Variants in LARS2 observed in about 807,000 individuals in gnomAD.
LARS2 encodes leucine--tRNA ligase, mitochondrial.
In LARS2, 81 loss-of-function variants were observed where a neutral mutation model predicts 116.6. The ratio of observed to expected loss-of-function variants is 0.69; its 90% CI spans 0.58 to 0.84. The LOEUF (loss-of-function observed/expected upper bound fraction) is 0.84, where lower values mean the gene tolerates loss of function less well. Among genes scored for constraint, LARS2 ranks in the 40% least tolerant of loss-of-function variants. LARS2 has a pLI of 0.00. For missense variants in LARS2, 968 were observed against 1,114.5 expected (o/e 0.87, Z 1.87); for synonymous variants, 396 against 407.2 (o/e 0.97, Z 0.33).
chr3:45,503,123 T>G (rs1700147306), intron 15 of LARS2, among the ~76,000 whole-genome samples: 2 of 152,074 alleles, frequency 1.3e-5, no homozygotes, highest in South Asian at 4.1e-4. Flanking sequence ...TTCTCCCTGT[T>G]GCCTGGAGAT....
rs996335657 is a variant in LARS2, at chr3:45,533,219, C to T, written c.2405-8610C>T. ...AGGCTGGAGTGCAGTGGCGCGATCT[C>T]GGCTCACTGCAAGCTCCGCCTCCCG... On this transcript the variant is annotated intron_variant, in intron 20 of 21. Coordinates refer to ENST00000645846, the MANE Select transcript of LARS2 (RefSeq NM_015340.4). Among the ~76,000 whole-genome samples the T allele has an allele frequency of 4.0e-5, 5 of 125,818 alleles. No individual in the cohort carries two copies. In the East Asian group the frequency reaches 7.8e-4, roughly 20 times the overall value. 82.5% of individuals were successfully genotyped at this position (125,818 alleles called of 152,430 possible). A position where few individuals can be genotyped will look rare whatever the true frequency, so the allele number is the denominator to read the frequency against.
intron 20 of LARS2, among the ~76,000 whole-genome samples, chr3:45,532,090 T>C (rs1446734333): frequency 2.0e-5 from 3 of 152,368 alleles, no homozygotes; most frequent in African/African-American, 4.8e-5. Flanking sequence ...TGCCATGGTG[T>C]CTGATTATTT....
At chr3:45,410,133 A>T (rs973456204) in intron 4 of LARS2, among the ~76,000 whole-genome samples, 1 of 152,240 alleles carries the variant, frequency 6.6e-6, no homozygotes, top group Non-Finnish European at 1.5e-5. Flanking sequence ...CAAAGAAACC[A>T]AGTGGTAATT....
At chr3:45,517,235 A>G (rs764377679) in intron 17 of LARS2, among the ~76,000 whole-genome samples, 16 of 152,208 alleles carry the variant, frequency 1.1e-4, no homozygotes, top group Non-Finnish European at 2.1e-4. Flanking sequence ...GCCTCCCAGA[A>G]GGTTCTGCTG....
At chr3:45,415,723 C>G (rs1698402041) in intron 4 of LARS2, among the ~76,000 whole-genome samples, 1 of 151,944 alleles carries the variant, frequency 6.6e-6, no homozygotes, top group East Asian at 1.9e-4. Flanking sequence ...GGGTATGTGC[C>G]TGTAATCCCA....
chr3:45,491,815 C>T lies in LARS2; in HGVS notation c.1523+15C>T. The stretch of plus-strand genomic sequence containing the variant: ...TCCTGCCCAAGGTAAGGAGCCACAT[C>T]CCTGCAGTGGTGACTGTGCCTATGG... On this transcript the variant is annotated intron_variant, in intron 13 of 21. Transcript: ENST00000645846. 3 of 1,610,136 alleles carry T rather than the reference C, an allele frequency of 1.9e-6. No individual in the cohort carries two copies. Among genetic ancestry groups the T allele is most frequent in the Non-Finnish European group, 2.5e-6 (3 of 1,177,840 alleles).
chr3:45,438,988 G>A (rs1216352653), intron 6 of LARS2, among the ~76,000 whole-genome samples: 1 of 152,062 alleles, frequency 6.6e-6, no homozygotes, highest in Non-Finnish European at 1.5e-5. Context: ...TCAAAGTCAG[G>A]GCTGTACTGA....
chr3:45,535,146 G>A (rs1700681753), intron 20 of LARS2, among the ~76,000 whole-genome samples: 1 of 152,072 alleles, frequency 6.6e-6, no homozygotes, highest in Non-Finnish European at 1.5e-5. Context: ...CTGAGGTCAG[G>A]AGACCAACCT....
rs1271626271 is a variant in LARS2 at position 45,428,067 on chromosome 3, C to T, written c.516+8338C>T. 4.6e-5 allele frequency among the ~76,000 whole-genome samples: 7 copies of T among 151,844 alleles called. No individual in the cohort carries two copies. The South Asian group carries it at 8.3e-4, about 18-fold the overall frequency. ...AACTCCTGACCTCAAGTGATCCACC[C>T]GCCTCGGCCTCCCAAATTGCTGGGA... On this transcript the variant is annotated intron_variant, in intron 6 of 21. Coordinates refer to ENST00000645846, the MANE Select transcript of LARS2 (RefSeq NM_015340.4).
chr3:45,475,025 T>A (rs1445805617), intron 9 of LARS2, among the ~76,000 whole-genome samples: 1 of 152,216 alleles, frequency 6.6e-6, no homozygotes, highest in Non-Finnish European at 1.5e-5. Flanking sequence ...TTGTCTCTAC[T>A]GACTAGAGAG....
chr3:45,546,637 G>A (rs1384649647), intron 21 of LARS2, among the ~76,000 whole-genome samples: 1 of 152,138 alleles, frequency 6.6e-6, no homozygotes, highest in Non-Finnish European at 1.5e-5. Context: ...TAATGTGTGT[G>A]TAGATTTCGG....
intron 20 of LARS2, among the ~76,000 whole-genome samples, chr3:45,528,701 C>T (rs1164665052): frequency 6.6e-6 from 1 of 152,146 alleles, no homozygotes; most frequent in Non-Finnish European, 1.5e-5. Flanking sequence ...TGTTTTATTT[C>T]ATTTAGCATA....
chr3:45,544,695 G>C (rs539685855), intron 21 of LARS2, among the ~76,000 whole-genome samples: 42 of 152,316 alleles, frequency 2.8e-4, no homozygotes, highest in Non-Finnish European at 4.3e-4. Flanking sequence ...AGGTCACACA[G>C]CTAGTCCAGA....
At chr3:45,442,219 T>A (rs1698925380) in intron 6 of LARS2, among the ~76,000 whole-genome samples, 1 of 152,168 alleles carries the variant, frequency 6.6e-6, no homozygotes, top group Non-Finnish European at 1.5e-5. Flanking sequence ...TAAGGAGTCT[T>A]ACCCACAAGC....
chr3:45,442,950 T>C (rs1698937930), intron 6 of LARS2, among the ~76,000 whole-genome samples: 1 of 152,216 alleles, frequency 6.6e-6, no homozygotes, highest in South Asian at 2.1e-4. Flanking sequence ...GACTGGGTGA[T>C]TATTTTGTTC....
chr3:45,414,977 C>T (rs1698391018), intron 4 of LARS2, among the ~76,000 whole-genome samples: 1 of 152,134 alleles, frequency 6.6e-6, no homozygotes, highest in Non-Finnish European at 1.5e-5. Context: ...CTGACAGGGG[C>T]AGGGAGCCTG....
intron 15 of LARS2, among the ~76,000 whole-genome samples, chr3:45,511,813 T>C (rs1437407877): frequency 7.2e-6 from 1 of 139,122 alleles, no homozygotes; most frequent in African/African-American, 2.7e-5. Flanking sequence ...AGTCTCGCTC[T>C]GTCTCCCAGG....
At chr3:45,449,156 ATTTTTTTTT>A (rs1161349903) in intron 7 of LARS2, among the ~76,000 whole-genome samples, 3 of 102,934 alleles carry the variant, frequency 2.9e-5, no homozygotes, top group Non-Finnish European at 5.9e-5. Flanking sequence ...TTAACTCACT[ATTTTTTTTT>A]TTTTTTTTTT....
intron 6 of LARS2, among the ~76,000 whole-genome samples, chr3:45,444,891 GAGAAA>G (rs1698993172): frequency 2.0e-5 from 3 of 151,660 alleles, no homozygotes; most frequent in Admixed American, 6.6e-5. Context: ...TAGAAAAATT[GAGAAA>G]AGAAAATATT....
Sources: gnomAD v4.1 joint callset for allele counts (sites outside exome capture counted in the v4.1 genomes callset) on GRCh38, gnomAD v4.1.1 for gene constraint, MANE v1.5 for transcripts, NCBI Gene and HGNC (gene_info 2026-07-23, HGNC 2026-07-21) for gene names.